Variants in PFN2 observed in about 807,000 individuals in gnomAD.
The protein encoded by PFN2 is profilin-2.
A neutral mutation model predicts 15.3 loss-of-function variants in PFN2; 8 were observed. The ratio of observed to expected loss-of-function variants is 0.52; its 90% confidence interval spans 0.31 to 0.95. The LOEUF (loss-of-function observed/expected upper bound fraction) is 0.95, where lower values mean the gene tolerates loss of function less well. Ranked by LOEUF, PFN2 falls within the 40% of genes least tolerant of loss-of-function variation. PFN2 has a pLI of 0.05. For synonymous variants in PFN2, 79 were observed against 67.9 expected (o/e 1.16, Z -0.81); for missense variants, 111 against 182.3 (o/e 0.61, Z 2.25).
Position 149,965,725 on chromosome 3 carries a change from A to G in PFN2, c.*764T>C. 4 of 1,032,224 alleles carry G rather than the reference A, an allele frequency of 3.9e-6. No homozygotes were observed. The highest frequency in any genetic ancestry group is 4.7e-6 in the Non-Finnish European group (4 of 859,666). 63.9% of individuals were successfully genotyped at this position (1,032,224 alleles called of 1,614,324 possible). A position where few individuals can be genotyped will look rare whatever the true frequency, so the allele number is the denominator to read the frequency against. On this transcript the variant is annotated 3_prime_UTR_variant, in exon 3 of 3. Transcript: ENST00000239940. Reference sequence around the variant, plus strand: ...TGCGAAGGGAGGGGGGGCGGGAAAAAGAGAAGAGTGAAGGAATGATGCATG... The same window carrying G: ...TGCGAAGGGAGGGGGGGCGGGAAAAGGAGAAGAGTGAAGGAATGATGCATG...
chr3:149,970,424 C>T (rs557411316), intron 1 of PFN2: 3 of 245,866 alleles, frequency 1.2e-5, no homozygotes, highest in African/African-American at 4.5e-5. Flanking sequence ...TTGCCCTGGC[C>T]GGTGCGTGCC....
Position 149,965,773 on chromosome 3 carries a change from G to A in PFN2, c.*716C>T, listed in dbSNP as rs1258718089. 29 of 1,048,666 alleles carry A rather than the reference G, an allele frequency of 2.8e-5. 1 individual carries two copies. The South Asian group carries it at 7.5e-4, about 27-fold the overall frequency. The allele number at this position is 1,048,666 out of a possible 1,614,324, so 65.0% of individuals were successfully genotyped here. A position where few individuals can be genotyped will look rare whatever the true frequency, so the allele number is the denominator to read the frequency against. ...ATGCACTTTTTCCTCCCAACCATGC[G>A]CTACAAAAGGAAGACTAAATGAGCC... On this transcript the variant is annotated 3_prime_UTR_variant, in exon 3 of 3. Coordinates refer to ENST00000239940, the MANE Select transcript of PFN2 (RefSeq NM_053024.4).
chr3:149,970,534 C>A (rs956631716), intron 1 of PFN2, 191 bp downstream of exon 1: 3 of 432,584 alleles, frequency 6.9e-6, no homozygotes, highest in African/African-American at 2.1e-5. Context: ...CCTGTCAGCG[C>A]AGCCCCGGGT....
chr3:149,967,822 A>C (rs1722734968), intron 2 of PFN2, among the ~76,000 whole-genome samples: 2 of 152,194 alleles, frequency 1.3e-5, no homozygotes, highest in African/African-American at 4.8e-5. Context: ...TCTCAGACAC[A>C]ATCTTTGAAA....
intron 1 of PFN2, 197 bp from the exon 2 acceptor site, chr3:149,968,747 C>T (rs1722760280): frequency 1.8e-6 from 1 of 543,124 alleles, no homozygotes; most frequent in Non-Finnish European, 3.2e-6. Flanking sequence ...ACATATTTTA[C>T]ATGAGTTGAT....
At chr3:149,969,353 A>ATTCT (rs1722778962) in intron 1 of PFN2, among the ~76,000 whole-genome samples, 1 of 152,240 alleles carries the variant, frequency 6.6e-6, no homozygotes, top group South Asian at 2.1e-4. Context: ...ATGAATAAGA[A>ATTCT]GGAAGGCGTC....
At position 149,965,332 on chromosome 3, in the gene PFN2, G is replaced by T; in HGVS notation, c.*1157C>A. 1 of 1,523,566 alleles carries T rather than the reference G, an allele frequency of 6.6e-7. No individual in the cohort carries two copies. The highest frequency in any genetic ancestry group is 8.7e-7 in the Non-Finnish European group (1 of 1,143,184). The allele number at this position is 1,523,566 out of a possible 1,614,324, so 94.4% of individuals were successfully genotyped here. On this transcript the variant is annotated 3_prime_UTR_variant, in exon 3 of 3. Transcript: ENST00000239940. ...AGAACAAACTGGACACACTCCAGAT[G>T]GTTATGTTGGGATACCTAATGTCCA... is the stretch of plus-strand genomic sequence containing the variant.
Position 149,965,371 on chromosome 3 carries a change from T to C in PFN2, c.*1118A>G. 6.7e-7 allele frequency: 1 copy of C among 1,481,650 alleles called. No homozygotes were observed. The highest frequency in any genetic ancestry group is 8.9e-7 in the Non-Finnish European group (1 of 1,127,334). The allele number at this position is 1,481,650 out of a possible 1,614,324, so 91.8% of individuals were successfully genotyped here. A position where few individuals can be genotyped will look rare whatever the true frequency, so the allele number is the denominator to read the frequency against. The stretch of plus-strand genomic sequence containing the variant: ...ACCTAATGTCCATAATGGCAGCCTT[T>C]TACAATTTTACTAAAGAGTAGAGCT... On this transcript the variant is annotated 3_prime_UTR_variant, in exon 3 of 3. Coordinates refer to ENST00000239940, the MANE Select transcript of PFN2 (RefSeq NM_053024.4).
At chr3:149,970,008 T>C (rs1198851636) in intron 1 of PFN2, among the ~76,000 whole-genome samples, 2 of 150,598 alleles carry the variant, frequency 1.3e-5, no homozygotes, top group Non-Finnish European at 1.5e-5. Flanking sequence ...AATCTCCATA[T>C]GAGAAGAGAA....
Position 149,965,438 on chromosome 3 carries a change from T to C in PFN2, c.*1051A>G. On this transcript the variant is annotated 3_prime_UTR_variant, in exon 3 of 3. Transcript: ENST00000239940. ...GGAAGAAAAATCTGAGCTATTGCAATGATGGAATGTCCCTGGGGATTCAAT... is the reference window on the plus strand; with the variant it reads ...GGAAGAAAAATCTGAGCTATTGCAACGATGGAATGTCCCTGGGGATTCAAT... 1 of 1,442,966 alleles carries C rather than the reference T, an allele frequency of 6.9e-7. No homozygotes were observed. Among genetic ancestry groups the C allele is most frequent in the Non-Finnish European group, 9.0e-7 (1 of 1,106,004 alleles). The allele number at this position is 1,442,966 out of a possible 1,614,324, so 89.4% of individuals were successfully genotyped here.
Position 149,965,907 on chromosome 3 carries a change from AAAG to A in PFN2, c.*579_*581del. Reference sequence around the variant, plus strand: ...TCAATATCCCATTAATTGCTAAGACAAAGTGATGCCCAACTTGGCATGCCCCCT... The same window carrying A: ...TCAATATCCCATTAATTGCTAAGACATGATGCCCAACTTGGCATGCCCCCT... On this transcript the variant is annotated 3_prime_UTR_variant, in exon 3 of 3. Transcript: ENST00000239940. The A allele has an allele frequency of 3.1e-6, 4 of 1,298,848 alleles. No homozygotes were observed. Among genetic ancestry groups the A allele is most frequent in the Non-Finnish European group, 3.9e-6 (4 of 1,025,138 alleles). 80.5% of individuals were successfully genotyped at this position (1,298,848 alleles called of 1,614,324 possible). A position where few individuals can be genotyped will look rare whatever the true frequency, so the allele number is the denominator to read the frequency against.
chr3:149,968,246 A>G (rs1722745775), intron 2 of PFN2, 112 bp downstream of exon 2: 1 of 968,798 alleles, frequency 1.0e-6, no homozygotes, highest in African/African-American at 1.6e-5. Context: ...GCAGTTCACA[A>G]AAACCACCTT....
At position 149,965,318 on chromosome 3, in the gene PFN2, G is replaced by GAC. The variant is rs1400677929; in HGVS notation, c.*1169_*1170dup. On this transcript the variant is annotated 3_prime_UTR_variant, in exon 3 of 3. Coordinates refer to ENST00000239940, the MANE Select transcript of PFN2 (RefSeq NM_053024.4). ...AATTGGTCCTATGAAGAACAAACTG[G>GAC]ACACACTCCAGATGGTTATGTTGGG... The GAC allele has an allele frequency of 6.5e-7, 1 of 1,533,162 alleles. No individual in the cohort carries two copies. The highest frequency in any genetic ancestry group is 2.4e-5 in the East Asian group (1 of 40,880). 95.0% of individuals were successfully genotyped at this position (1,533,162 alleles called of 1,614,324 possible). A position where few individuals can be genotyped will look rare whatever the true frequency, so the allele number is the denominator to read the frequency against.
At chr3:149,966,799 A>G (rs1215146202) in intron 2 of PFN2, among the ~76,000 whole-genome samples, 1 of 152,176 alleles carries the variant, frequency 6.6e-6, no homozygotes, top group Non-Finnish European at 1.5e-5. Context: ...TTGGAAGCCA[A>G]TCAATGCAAG....
chr3:149,965,743 G>T lies in PFN2; in HGVS notation c.*746C>A. ...GGGAAAAAGAGAAGAGTGAAGGAAT[G>T]ATGCATGCACTTTTTCCTCCCAACC... On this transcript the variant is annotated 3_prime_UTR_variant, in exon 3 of 3. Transcript: ENST00000239940. The T allele has an allele frequency of 9.6e-7, 1 of 1,042,794 alleles. No homozygotes were observed. The highest frequency in any genetic ancestry group is 1.2e-6 in the Non-Finnish European group (1 of 866,430). 64.6% of individuals were successfully genotyped at this position (1,042,794 alleles called of 1,614,324 possible). A position where few individuals can be genotyped will look rare whatever the true frequency, so the allele number is the denominator to read the frequency against.
Position 149,965,413 on chromosome 3 carries a change from GGAA to G in PFN2, c.*1073_*1075del. On this transcript the variant is annotated 3_prime_UTR_variant, in exon 3 of 3. Transcript: ENST00000239940. ...AGTAGAGCTGGTGTGCAAAGAAAAA[GGAA>G]GAAAAATCTGAGCTATTGCAATGAT... 6.9e-7 allele frequency: 1 copy of G among 1,447,310 alleles called. No homozygotes were observed. The highest frequency in any genetic ancestry group is 2.5e-5 in the East Asian group (1 of 40,110). The allele number at this position is 1,447,310 out of a possible 1,614,324, so 89.7% of individuals were successfully genotyped here. A position where few individuals can be genotyped will look rare whatever the true frequency, so the allele number is the denominator to read the frequency against.
Position 149,965,709 on chromosome 3 carries a change from A to AGGGG in PFN2, c.*776_*779dup. 1 of 929,874 alleles carries AGGGG rather than the reference A, an allele frequency of 1.1e-6. No individual in the cohort carries two copies. The allele number at this position is 929,874 out of a possible 1,614,324, so 57.6% of individuals were successfully genotyped here. Reference sequence around the variant, plus strand: ...AAACCAAATGCCTATGTGCGAAGGGAGGGGGGGCGGGAAAAAGAGAAGAGT... The same window carrying AGGGG: ...AAACCAAATGCCTATGTGCGAAGGGAGGGGGGGGGGGCGGGAAAAAGAGAAGAGT... On this transcript the variant is annotated 3_prime_UTR_variant, in exon 3 of 3. Transcript: ENST00000239940.
Position 149,968,407 on chromosome 3 carries a change from A to G in PFN2, c.276T>C (p.Ser92=). 1 of 1,613,780 alleles carries G rather than the reference A, an allele frequency of 6.2e-7. No homozygotes were observed. Among genetic ancestry groups the G allele is most frequent in the Non-Finnish European group, 8.5e-7 (1 of 1,179,916 alleles). Residue 92 remains serine (S), a synonymous_variant, in exon 2 of 3, where the codon AGT becomes AGC. Coordinates refer to ENST00000239940, the MANE Select transcript of PFN2 (RefSeq NM_053024.4). ...CATTGTATGTTGGCTCCCCACCTTG[A>G]CTCTTTGTCCGGATGTCCATTGTGC... The part of the protein sequence containing the change: ...GDCTMDIRTK[S]QGGEPTYNVA...
Position 149,965,411 on chromosome 3 carries a change from A to G in PFN2, c.*1078T>C, listed in dbSNP as rs1722655518. The G allele has an allele frequency of 8.3e-6, 12 of 1,448,858 alleles. No individual in the cohort carries two copies. The highest frequency in any genetic ancestry group is 1.1e-5 in the Non-Finnish European group (12 of 1,109,346). The allele number at this position is 1,448,858 out of a possible 1,614,324, so 89.8% of individuals were successfully genotyped here. ...AGAGTAGAGCTGGTGTGCAAAGAAA[A>G]AGGAAGAAAAATCTGAGCTATTGCA... is the stretch of plus-strand genomic sequence containing the variant. On this transcript the variant is annotated 3_prime_UTR_variant, in exon 3 of 3. Coordinates refer to ENST00000239940, the MANE Select transcript of PFN2 (RefSeq NM_053024.4).
Sources: gnomAD v4.1 joint callset for allele counts (sites outside exome capture counted in the v4.1 genomes callset) on GRCh38, gnomAD v4.1.1 for gene constraint, MANE v1.5 for transcripts, NCBI Gene and HGNC (gene_info 2026-07-23, HGNC 2026-07-21) for gene names.